The following INSL6 variants were observed in gnomAD, a reference collection of about 807,000 sequenced individuals.
INSL6 encodes insulin-like peptide INSL6.
A neutral mutation model predicts 9.4 loss-of-function variants in INSL6; 16 were observed. That is an observed-to-expected ratio of 1.70 (90% CI 1.15 to 2.59). The LOEUF (loss-of-function observed/expected upper bound fraction) is 2.59. INSL6 is among the 30% of genes most tolerant of loss of function. INSL6 has a pLI of 0.00. For synonymous variants in INSL6, 154 were observed against 96.9 expected (o/e 1.59, Z -3.46); for missense variants, 391 against 257.3 (o/e 1.52, Z -3.56).
At chr9:5,001,528 A>G in the INSL6 span, among the ~76,000 whole-genome samples, 2 of 152,134 alleles carry the variant, frequency 1.3e-5, no homozygotes, top group Admixed American at 1.3e-4. Context: ...GTATGACTGG[A>G]ATAAAACCCA....
chr9:4,998,377 C>G, the INSL6 span, among the ~76,000 whole-genome samples: 8 of 152,106 alleles, frequency 5.3e-5, no homozygotes, highest in Non-Finnish European at 8.8e-5. Flanking sequence ...CTACCTCAGC[C>G]TCCCGAGTAA....
chr9:5,027,230 G>A, the INSL6 span, among the ~76,000 whole-genome samples: 1 of 152,162 alleles, frequency 6.6e-6, no homozygotes, highest in Non-Finnish European at 1.5e-5. Context: ...TTGTGGGTTT[G>A]GTTCCAGACT....
At chr9:5,129,727 C>T (rs1214428157) in intron 3 of INSL6, among the ~76,000 whole-genome samples, 2 of 152,046 alleles carry the variant, frequency 1.3e-5, no homozygotes, top group Admixed American at 6.6e-5. Context: ...AGCTGCTAAG[C>T]GTTTCATAAT....
At chr9:5,041,743 C>G in the INSL6 span, 112 of 492,258 alleles carry the variant, frequency 2.3e-4, 1 homozygote, top group Middle Eastern at 1.3e-3. Context: ...TTGGCGACCC[C>G]CATCAGCAGT....
At chr9:5,102,079 T>C in the INSL6 span, among the ~76,000 whole-genome samples, 1 of 152,120 alleles carries the variant, frequency 6.6e-6, no homozygotes, top group Non-Finnish European at 1.5e-5. Flanking sequence ...AGGTTGGTAA[T>C]AACAAACTTC....
intron 1 of INSL6, among the ~76,000 whole-genome samples, chr9:5,185,009 G>A (rs1825536124): frequency 6.6e-6 from 1 of 152,146 alleles, no homozygotes; most frequent in Admixed American, 6.5e-5. Flanking sequence ...CAGGGAAAAT[G>A]ATACTTAAGT....
At chr9:5,012,979 G>A in the INSL6 span, among the ~76,000 whole-genome samples, 1 of 152,016 alleles carries the variant, frequency 6.6e-6, no homozygotes, top group South Asian at 2.1e-4. Context: ...GATGGTAGTT[G>A]TGGAAAAAAA....
At chr9:5,156,210 T>C (rs960258910) in intron 2 of INSL6, among the ~76,000 whole-genome samples, 7 of 152,188 alleles carry the variant, frequency 4.6e-5, no homozygotes, top group African/African-American at 1.7e-4. Context: ...AAAATTTAAT[T>C]TGTAATTAAA....
At chr9:5,032,559 A>G in the INSL6 span, among the ~76,000 whole-genome samples, 2 of 152,330 alleles carry the variant, frequency 1.3e-5, no homozygotes, top group East Asian at 3.9e-4. Flanking sequence ...TTCCAGAGGA[A>G]CAGTCAGGCA....
intron 1 of INSL6, among the ~76,000 whole-genome samples, chr9:5,170,341 A>T (rs1825151850): frequency 6.6e-6 from 1 of 152,210 alleles, no homozygotes; most frequent in Non-Finnish European, 1.5e-5. Context: ...TCTCTGGGAC[A>T]TAGCTAAAGC....
the INSL6 span, among the ~76,000 whole-genome samples, chr9:5,031,333 A>T: frequency 1.3e-5 from 2 of 152,232 alleles, no homozygotes; most frequent in African/African-American, 4.8e-5. Flanking sequence ...AATGGTATCT[A>T]TTATTAAAGC....
intron 2 of INSL6, chr9:5,133,635 CAGAA>C (rs1824333712): frequency 6.6e-6 from 1 of 152,002 alleles, no homozygotes; most frequent in Admixed American, 6.6e-5. Context: ...AACTAACAAA[CAGAA>C]AGGAACAGTA....
At chr9:5,024,790 G>A in the INSL6 span, among the ~76,000 whole-genome samples, 2 of 152,156 alleles carry the variant, frequency 1.3e-5, no homozygotes, top group South Asian at 2.1e-4. Context: ...TGGAACATAG[G>A]TGTGCTCTTT....
the INSL6 span, among the ~76,000 whole-genome samples, chr9:5,030,846 C>G: frequency 3.3e-5 from 5 of 151,186 alleles, no homozygotes; most frequent in Non-Finnish European, 7.4e-5. Flanking sequence ...GCACTGAGTT[C>G]AAAAAAATAT....
chr9:5,091,041 T>G, the INSL6 span: 1 of 707,122 alleles, frequency 1.4e-6, no homozygotes. Flanking sequence ...AGTCTTACAT[T>G]TAACTTTTTT....
chr9:5,085,727 AAT>A, the INSL6 span: 2 of 753,242 alleles, frequency 2.7e-6, no homozygotes, highest in East Asian at 4.9e-5. Flanking sequence ...TCATTTCTGC[AAT>A]TAAGGCTGTG....
the INSL6 span, chr9:5,112,952 C>CA: frequency 4.7e-6 from 1 of 213,136 alleles, no homozygotes; most frequent in Admixed American, 5.9e-5. Context: ...ACACCTCACA[C>CA]AACTGTTGTC....
chr9:5,065,049 T>C, the INSL6 span: 1 of 1,535,740 alleles, frequency 6.5e-7, no homozygotes, highest in Non-Finnish European at 8.8e-7. Flanking sequence ...TCGTGAGTAA[T>C]ACAGACTTAA....
At chr9:5,168,438 T>C (rs1382095972) in intron 1 of INSL6, among the ~76,000 whole-genome samples, 1 of 151,396 alleles carries the variant, frequency 6.6e-6, no homozygotes, top group Non-Finnish European at 1.5e-5. Flanking sequence ...AAACACAAGT[T>C]TGAAGTTTGT....
Sources: allele counts gnomAD v4.1 joint callset (sites outside exome capture counted in the v4.1 genomes callset), GRCh38; gene constraint gnomAD v4.1.1; transcripts MANE v1.5; gene names NCBI Gene and HGNC (gene_info 2026-07-23, HGNC 2026-07-21).